Variants in OTOGL observed in about 807,000 individuals in gnomAD.
The protein encoded by OTOGL is otogelin-like protein.
In OTOGL, 285 loss-of-function variants were observed where a neutral mutation model predicts 318.5. That is an observed-to-expected ratio of 0.89 (90% confidence interval 0.81 to 0.99). The LOEUF (loss-of-function observed/expected upper bound fraction) is 0.99. Among genes scored for constraint, OTOGL ranks in the 50% least tolerant of loss-of-function variants. The pLI is 0.00. For synonymous variants in OTOGL, 987 were observed against 936.5 expected (o/e 1.05, Z -0.99); for missense variants, 2,899 against 2,845.6 (o/e 1.02, Z -0.43).
intron 1 of OTOGL, among the ~76,000 whole-genome samples, chr12:80,124,554 G>GT (rs957509139): frequency 1.3e-5 from 2 of 152,150 alleles, no homozygotes; most frequent in African/African-American, 4.8e-5. Context: ...CTTTAAAGTA[G>GT]TTTTTTCCAA....
At chr12:80,354,952 GA>G (rs1263673252) in intron 46 of OTOGL, among the ~76,000 whole-genome samples, 3 of 152,062 alleles carry the variant, frequency 2.0e-5, no homozygotes, top group Admixed American at 6.6e-5. Flanking sequence ...TTTTAAAGCA[GA>G]AATATTTTGA....
intron 1 of OTOGL, among the ~76,000 whole-genome samples, chr12:80,148,741 C>G (rs1315498925): frequency 2.0e-5 from 3 of 152,286 alleles, no homozygotes; most frequent in East Asian, 1.9e-4. Flanking sequence ...TTCTTGGAGG[C>G]TTTGCTCATT....
Position 80,271,751 on chromosome 12 carries a change from C to G in OTOGL, c.2622C>G (p.Ala874=). 6.2e-7 allele frequency: 1 copy of G among 1,613,212 alleles called. No homozygotes were observed. The highest frequency in any genetic ancestry group is 1.3e-5 in the African/African-American group (1 of 74,974). Residue 874 remains alanine, a synonymous_variant, in exon 24 of 59, where the codon GCC becomes GCG. Coordinates refer to ENST00000547103, the MANE Select transcript of OTOGL (RefSeq NM_001378609.3). ...GTGAGACTACATGTGCAAACCTAGC[C>G]ATGAACTTCACCTGCACCCCATCCT... ...VNCETTCANL[A]MNFTCTPSSP...
rs889371087 is a variant in OTOGL at position 80,256,277 on chromosome 12, C to A, written c.1588-60C>A. On this transcript the variant is annotated intron_variant, in intron 16 of 58. Coordinates refer to ENST00000547103, the MANE Select transcript of OTOGL (RefSeq NM_001378609.3). ...CTTTCTCCCATCTCCACCTTCCTGT[C>A]TCTTTCTATGGCTCTCTCTCTCTCC... 2.6e-6 allele frequency: 4 copies of A among 1,522,494 alleles called. No homozygotes were observed. The Admixed American group carries it at 5.2e-5, about 20-fold the overall frequency. 94.3% of individuals were successfully genotyped at this position (1,522,494 alleles called of 1,614,324 possible).
At position 80,179,274 on chromosome 12, in the gene OTOGL, A is replaced by G. The variant is rs187058682; in HGVS notation, c.-19-30139A>G. Among the ~76,000 whole-genome samples, 7 of 152,174 alleles carry G rather than the reference A, an allele frequency of 4.6e-5. No individual in the cohort carries two copies. The South Asian group carries it at 6.2e-4, about 14-fold the overall frequency. ...AAGTCATCAGCAGACAAACATTAGA[A>G]ATAGAGTCAGGCTCTTAATTATAAC... On this transcript the variant is annotated intron_variant, in intron 1 of 58. Coordinates refer to ENST00000547103, the MANE Select transcript of OTOGL (RefSeq NM_001378609.3).
At chr12:80,304,554 G>A (rs1885985308) in intron 28 of OTOGL, among the ~76,000 whole-genome samples, 1 of 152,124 alleles carries the variant, frequency 6.6e-6, no homozygotes, top group South Asian at 2.1e-4. Context: ...TGTCATAAAT[G>A]TGAAATATGA....
intron 1 of OTOGL, among the ~76,000 whole-genome samples, chr12:80,102,218 A>G (rs1869182501): frequency 6.6e-6 from 1 of 152,174 alleles, no homozygotes; most frequent in African/African-American, 2.4e-5. Flanking sequence ...AATCTATCTC[A>G]CATACTTGCT....
Position 80,308,372 on chromosome 12 carries a change from C to T in OTOGL, c.3334-2239C>T, listed in dbSNP as rs1489127585. 9.2e-4 allele frequency among the ~76,000 whole-genome samples: 139 copies of T among 151,080 alleles called. 1 individual carries two copies. Among genetic ancestry groups the T allele is most frequent in the Non-Finnish European group, 1.3e-3 (87 of 67,738 alleles). ...GACGCTCCTCACATCCCGGACGGGGCGGCAGGGCAGAGGTGCTCCCCACAT... is the reference window on the plus strand; with the variant it reads ...GACGCTCCTCACATCCCGGACGGGGTGGCAGGGCAGAGGTGCTCCCCACAT... On this transcript the variant is annotated intron_variant, in intron 29 of 58. Coordinates refer to ENST00000547103, the MANE Select transcript of OTOGL (RefSeq NM_001378609.3).
chr12:80,266,387 G>A, intron 20 of OTOGL, 64 bp from the exon 21 acceptor site: 1 of 1,528,082 alleles, frequency 6.5e-7, no homozygotes, highest in Admixed American at 1.8e-5. Context: ...AGACCTCTAA[G>A]GAGGCATAAA....
intron 47 of OTOGL, 120 bp downstream of exon 47, chr12:80,356,068 C>T (rs1889881860): frequency 2.6e-6 from 3 of 1,148,762 alleles, no homozygotes; most frequent in Non-Finnish European, 3.7e-6. Flanking sequence ...ATGTCATTTT[C>T]TCAAAGCAAG....
intron 27 of OTOGL, among the ~76,000 whole-genome samples, chr12:80,302,024 A>G (rs7966406): frequency 0.066 from 9,996 of 152,208 alleles, 1,132 homozygotes; most frequent in African/African-American, 0.23. Context: ...AGATCTTAGC[A>G]ACTGCAGCAT....
At chr12:80,240,784 T>G (rs975895700) in intron 11 of OTOGL, among the ~76,000 whole-genome samples, 4 of 152,086 alleles carry the variant, frequency 2.6e-5, no homozygotes, top group African/African-American at 9.7e-5. Flanking sequence ...TGTGAACATC[T>G]AGGATAGGTG....
intron 58 of OTOGL, 126 bp from the exon 59 acceptor site, chr12:80,377,722 A>G (rs1461232952): frequency 1.4e-6 from 1 of 736,478 alleles, no homozygotes; most frequent in Non-Finnish European, 2.2e-6. Flanking sequence ...ATCTTGCAAC[A>G]TGCAGAAGCT....
chr12:80,332,453 T>G (rs1888135295), intron 37 of OTOGL, among the ~76,000 whole-genome samples: 1 of 152,140 alleles, frequency 6.6e-6, no homozygotes, highest in Non-Finnish European at 1.5e-5. Flanking sequence ...CTTTAGAAGG[T>G]GCCTCACAGA....
intron 1 of OTOGL, among the ~76,000 whole-genome samples, chr12:80,134,031 T>C (rs1871398331): frequency 2.0e-5 from 3 of 152,182 alleles, no homozygotes. Flanking sequence ...CAGCATTGTT[T>C]GTTAAATAGC....
intron 1 of OTOGL, among the ~76,000 whole-genome samples, chr12:80,194,203 A>G (rs1054684127): frequency 3.9e-5 from 6 of 152,230 alleles, no homozygotes; most frequent in Non-Finnish European, 7.3e-5. Context: ...CAGAGTTTTT[A>G]TAAGGAAATA....
At position 80,235,855 on chromosome 12, in the gene OTOGL, T is replaced by TA. The variant is rs201648328; in HGVS notation, c.817+2765dup. On this transcript the variant is annotated intron_variant, in intron 9 of 58. Transcript: ENST00000547103. ...CACAGTATAAGGCAGAGTAATTTTT[T>TA]AAAAAAACCTAACTTAAAACAACTT... Among the ~76,000 whole-genome samples the TA allele has an allele frequency of 7.5e-3, 1,141 of 152,250 alleles. 11 individuals are homozygous for TA. The highest frequency in any genetic ancestry group is 0.031 in the Middle Eastern group (9 of 294).
intron 56 of OTOGL, among the ~76,000 whole-genome samples, chr12:80,371,629 C>T (rs1417437851): frequency 6.6e-6 from 1 of 151,948 alleles, no homozygotes; most frequent in African/African-American, 2.4e-5. Flanking sequence ...TTTTAACATT[C>T]AGTTATATTC....
intron 26 of OTOGL, among the ~76,000 whole-genome samples, chr12:80,288,651 A>T (rs576834756): frequency 6.6e-6 from 1 of 151,784 alleles, no homozygotes; most frequent in Non-Finnish European, 1.5e-5. Context: ...GTTGATAATC[A>T]GTCTCTGATA....
Sources: allele counts gnomAD v4.1 joint callset (sites outside exome capture counted in the v4.1 genomes callset), GRCh38; gene constraint gnomAD v4.1.1; transcripts MANE v1.5; gene names NCBI Gene and HGNC (gene_info 2026-07-23, HGNC 2026-07-21).